HS6ST3: variants seen among roughly 807,000 people sequenced by gnomAD.
The protein encoded by HS6ST3 is heparan-sulfate 6-O-sulfotransferase 3.
HS6ST3 carries 12 observed loss-of-function variants against 36.7 expected under a neutral mutation model. That is an observed-to-expected ratio of 0.33 (90% CI 0.21 to 0.53). The LOEUF is 0.53. Ranked by LOEUF, HS6ST3 falls within the 20% of genes least tolerant of loss-of-function variation. The pLI, the probability that HS6ST3 is intolerant of heterozygous loss-of-function variation, is 0.95. For missense variants in HS6ST3, 584 were observed against 640.9 expected (o/e 0.91, Z 0.96); for synonymous variants, 240 against 257.5 (o/e 0.93, Z 0.65).
intron 1 of HS6ST3, among the ~76,000 whole-genome samples, chr13:96,744,915 A>C (rs1876528638): frequency 6.6e-6 from 1 of 152,138 alleles, no homozygotes; most frequent in Non-Finnish European, 1.5e-5. Flanking sequence ...AACAAAGGGA[A>C]AATGGTGACC....
chr13:96,719,556 T>C (rs773753280), intron 1 of HS6ST3, among the ~76,000 whole-genome samples: 1 of 151,922 alleles, frequency 6.6e-6, no homozygotes, highest in African/African-American at 2.4e-5. Flanking sequence ...AAGGAGAGTA[T>C]TGGTGATATG....
intron 1 of HS6ST3, among the ~76,000 whole-genome samples, chr13:96,294,069 G>A (rs969018149): frequency 6.6e-6 from 1 of 152,068 alleles, no homozygotes; most frequent in Non-Finnish European, 1.5e-5. Flanking sequence ...GGGTTATCAA[G>A]CTCAGATGGA....
At chr13:96,316,221 T>C (rs2054968587) in intron 1 of HS6ST3, among the ~76,000 whole-genome samples, 1 of 151,758 alleles carries the variant, frequency 6.6e-6, no homozygotes. Flanking sequence ...TGTATACACA[T>C]ACACATATGT....
intron 1 of HS6ST3, among the ~76,000 whole-genome samples, chr13:96,327,039 T>G (rs1048635944): frequency 7.0e-6 from 1 of 142,234 alleles, no homozygotes; most frequent in African/African-American, 2.7e-5. Flanking sequence ...TGTTTTTTTC[T>G]TGTAAATTTT....
chr13:96,798,295 G>T (rs1184578697), intron 1 of HS6ST3, among the ~76,000 whole-genome samples: 1 of 151,948 alleles, frequency 6.6e-6, no homozygotes, highest in Admixed American at 6.6e-5. Context: ...ACATTACATG[G>T]GCCCAATTGA....
rs1248050793 is a variant in HS6ST3, at chr13:96,091,547, C to A, written c.685C>A (p.Pro229Thr). Reference sequence around the variant, plus strand: ...GGCCATCATGGAGAAGAAGGACTGTCCCCGCAACCACAGCCACACCAGGTA... The same window carrying A: ...GGCCATCATGGAGAAGAAGGACTGTACCCGCAACCACAGCCACACCAGGTA... ...VPAIMEKKDC[P>T]RNHSHTRNFY... Residue 229 changes from proline (P) to threonine (T), a missense_variant, in exon 1 of 2, where the codon CCC (proline) becomes ACC (threonine). Pro to Thr is a conservative substitution (Grantham distance 38, BLOSUM62 -1). This residue lies in a region of HS6ST3 where 360 missense variants were observed against 411.3 expected (regional missense o/e 0.88). Transcript: ENST00000376705. 1 of 1,583,422 alleles carries A rather than the reference C, an allele frequency of 6.3e-7. No individual in the cohort carries two copies. The highest frequency in any genetic ancestry group is 2.3e-5 in the East Asian group (1 of 43,530).
intron 1 of HS6ST3, among the ~76,000 whole-genome samples, chr13:96,470,936 T>C (rs1334138853): frequency 6.6e-6 from 1 of 152,174 alleles, no homozygotes; most frequent in Non-Finnish European, 1.5e-5. Flanking sequence ...GGGAAAGAAA[T>C]AGCATCTGTA....
At chr13:96,427,992 G>A (rs1214230893) in intron 1 of HS6ST3, among the ~76,000 whole-genome samples, 1 of 152,136 alleles carries the variant, frequency 6.6e-6, no homozygotes, top group Non-Finnish European at 1.5e-5. Flanking sequence ...TTTTCAATAT[G>A]AGGGGTACAT....
chr13:96,421,954 A>G (rs2055564801), intron 1 of HS6ST3, among the ~76,000 whole-genome samples: 1 of 152,198 alleles, frequency 6.6e-6, no homozygotes, highest in Non-Finnish European at 1.5e-5. Flanking sequence ...TCCACAATTC[A>G]GCTTTTTCAT....
Position 96,406,832 on chromosome 13 carries a change from T to C in HS6ST3, c.707+315263T>C, listed in dbSNP as rs142105104. On this transcript the variant is annotated intron_variant, in intron 1 of 1. Transcript: ENST00000376705. ...GGAGATTTTGATTTGACACAGTTCA[T>C]ATGTGTCAGACAAAAATGTATAGGA... Among the ~76,000 whole-genome samples, 24 of 152,338 alleles carry C rather than the reference T, an allele frequency of 1.6e-4. 1 individual carries two copies. The East Asian group carries it at 4.6e-3, about 29-fold the overall frequency.
intron 1 of HS6ST3, among the ~76,000 whole-genome samples, chr13:96,704,555 A>G (rs1363670713): frequency 6.6e-6 from 1 of 152,194 alleles, no homozygotes; most frequent in Admixed American, 6.5e-5. Context: ...AATTCAATAT[A>G]GAATTAAGGT....
intron 1 of HS6ST3, among the ~76,000 whole-genome samples, chr13:96,581,596 C>T (rs1464078296): frequency 2.6e-5 from 4 of 152,094 alleles, no homozygotes; most frequent in African/African-American, 9.7e-5. Context: ...CTTTTGTCCT[C>T]AGGAAGCTGA....
At chr13:96,663,518 C>T (rs2139020931) in intron 1 of HS6ST3, among the ~76,000 whole-genome samples, 1 of 152,278 alleles carries the variant, frequency 6.6e-6, no homozygotes, top group South Asian at 2.1e-4. Flanking sequence ...TAGGTAATAA[C>T]ATGGAGAAAC....
At chr13:96,738,997 G>T (rs1041063563) in intron 1 of HS6ST3, among the ~76,000 whole-genome samples, 1 of 152,078 alleles carries the variant, frequency 6.6e-6, no homozygotes, top group Non-Finnish European at 1.5e-5. Flanking sequence ...CAATGACCTT[G>T]ATCTTGATAA....
intron 1 of HS6ST3, among the ~76,000 whole-genome samples, chr13:96,210,837 G>A (rs1351834543): frequency 4.6e-5 from 7 of 151,434 alleles, no homozygotes; most frequent in African/African-American, 1.5e-4. Flanking sequence ...CAAGTGATCC[G>A]CCTGCTTCGG....
At chr13:96,142,682 GTAT>G (rs2054037779) in intron 1 of HS6ST3, among the ~76,000 whole-genome samples, 2 of 152,116 alleles carry the variant, frequency 1.3e-5, no homozygotes, top group African/African-American at 4.8e-5. Context: ...TCTTACCATA[GTAT>G]TATTATAGAA....
chr13:96,656,955 T>TTGTGTGTGTG (rs754838881), intron 1 of HS6ST3, among the ~76,000 whole-genome samples: 9 of 122,242 alleles, frequency 7.4e-5, no homozygotes, highest in African/African-American at 2.4e-4. Context: ...GGCTTTTCTT[T>TTGTGTGTGTG]TGTGTGTGTG....
intron 1 of HS6ST3, among the ~76,000 whole-genome samples, chr13:96,392,268 A>T (rs1251057936): frequency 6.6e-6 from 1 of 152,128 alleles, no homozygotes; most frequent in East Asian, 1.9e-4. Flanking sequence ...GCCACATTAA[A>T]TAAGACAAGA....
chr13:96,692,416 C>G lies in HS6ST3; in HGVS notation c.708-140074C>G, dbSNP rs1566431015. On this transcript the variant is annotated intron_variant, in intron 1 of 1. Transcript: ENST00000376705. Reference sequence around the variant, plus strand: ...AGTCTGTGCATGTTCACTACAGAAACTTTTTTTCCAGATATTTTGTATCCA... The same window carrying G: ...AGTCTGTGCATGTTCACTACAGAAAGTTTTTTTCCAGATATTTTGTATCCA... Among the ~76,000 whole-genome samples, 9 of 152,218 alleles carry G rather than the reference C, an allele frequency of 5.9e-5. No individual in the cohort carries two copies. The South Asian group carries it at 1.9e-3, about 32-fold the overall frequency.
Sources: gnomAD v4.1 joint callset for allele counts (sites outside exome capture counted in the v4.1 genomes callset) on GRCh38, gnomAD v4.1.1 for gene constraint, gnomAD v4.1.1 regional missense constraint, MANE v1.5 for transcripts, NCBI Gene and HGNC (gene_info 2026-07-23, HGNC 2026-07-21) for gene names.